Variants in GRIA1 observed in about 807,000 individuals in gnomAD.
The protein encoded by GRIA1 is glutamate receptor 1.
Under a neutral mutation model 99.2 loss-of-function variants are expected in GRIA1, and 31 were observed. The ratio of observed to expected loss-of-function variants is 0.31; its 90% confidence interval spans 0.23 to 0.42. The LOEUF is 0.42. Among genes scored for constraint, GRIA1 ranks in the 10% least tolerant of loss-of-function variants. The pLI is 1.00. For missense variants in GRIA1, 782 were observed against 1,157.5 expected (o/e 0.68, Z 4.71); for synonymous variants, 438 against 432.4 (o/e 1.01, Z -0.16).
intron 2 of GRIA1, among the ~76,000 whole-genome samples, chr5:153,577,130 GTGGATGGATGGATGGATGGATGGT>G (rs1208710396): frequency 1.7e-4 from 17 of 98,638 alleles, no homozygotes; most frequent in African/African-American, 2.5e-4. Context: ...AGATGAATGG[GTGGATGGATGGATGGATGGATGGT>G]TGGATGGATG....
In GRIA1 at chr5:153,705,693, T is replaced by TTTTC. The variant is rs1554116390; in HGVS notation, c.1453-4_1453-3insTTTC. Reference sequence around the variant, plus strand: ...TTTTTTTTTTTTTTTTTTTTTTTTTTCAGAGAGCAGATGTGGCTGTGGCTC... The same window carrying TTTTC: ...TTTTTTTTTTTTTTTTTTTTTTTTTTTTTCCAGAGAGCAGATGTGGCTGTGGCTC... On this transcript the variant is annotated splice_polypyrimidine_tract_variant and splice_region_variant and intron_variant, in intron 10 of 15. Coordinates refer to ENST00000285900, the MANE Select transcript of GRIA1 (RefSeq NM_000827.4). The TTTTC allele has an allele frequency of 1.1e-4, 119 of 1,101,418 alleles. 3 individuals carry two copies. In the Admixed American group the frequency reaches 1.5e-3, roughly 14 times the overall value. The allele number at this position is 1,101,418 out of a possible 1,614,324, so 68.2% of individuals were successfully genotyped here. A position where few individuals can be genotyped will look rare whatever the true frequency, so the allele number is the denominator to read the frequency against.
intron 2 of GRIA1, 72 bp downstream of exon 2, chr5:153,494,137 GGTGGTGTTGC>G: frequency 6.6e-7 from 1 of 1,515,538 alleles, no homozygotes; most frequent in African/African-American, 1.4e-5. Context: ...GTGGGTAGGT[GGTGGTGTTGC>G]AAAAATGACT....
At chr5:153,767,060 T>C (rs1021041094) in intron 12 of GRIA1, among the ~76,000 whole-genome samples, 9 of 152,160 alleles carry the variant, frequency 5.9e-5, no homozygotes, top group Admixed American at 1.3e-4. Flanking sequence ...GATTCTTTGA[T>C]TGATATCAGT....
chr5:153,577,835 A>C (rs1272596057), intron 2 of GRIA1, among the ~76,000 whole-genome samples: 3 of 152,106 alleles, frequency 2.0e-5, no homozygotes, highest in Non-Finnish European at 4.4e-5. Flanking sequence ...AAATAAATCA[A>C]CTGAATAAGC....
intron 1 of GRIA1, 116 bp downstream of exon 1, chr5:153,491,086 C>CTG: frequency 8.8e-7 from 1 of 1,130,046 alleles, no homozygotes; most frequent in South Asian, 1.3e-5. Flanking sequence ...CTCCCTAAAG[C>CTG]TGTGCTGCGG....
intron 2 of GRIA1, among the ~76,000 whole-genome samples, chr5:153,576,955 TGGATGGATGG>T (rs2149369400): frequency 6.9e-6 from 1 of 144,936 alleles, no homozygotes; most frequent in East Asian, 3.1e-4. Context: ...GATGGATGGA[TGGATGGATGG>T]ATGGATGGAT....
chr5:153,695,775 A>G (rs909557259), intron 8 of GRIA1, among the ~76,000 whole-genome samples: 8 of 152,156 alleles, frequency 5.3e-5, no homozygotes, highest in Non-Finnish European at 1.2e-4. Flanking sequence ...CACTGAGGGT[A>G]AGCCTCCATG....
In GRIA1 at chr5:153,576,986, G is replaced by GGA. The variant is rs1762597937; in HGVS notation, c.221-69942_221-69941insGA. Among the ~76,000 whole-genome samples the GGA allele has an allele frequency of 3.6e-5, 4 of 109,920 alleles. 1 individual carries two copies. The Admixed American group carries it at 4.1e-4, about 11-fold the overall frequency. The allele number at this position is 109,920 out of a possible 152,430, so 72.1% of individuals were successfully genotyped here. On this transcript the variant is annotated intron_variant, in intron 2 of 15. Coordinates refer to ENST00000285900, the MANE Select transcript of GRIA1 (RefSeq NM_000827.4). Reference sequence around the variant, plus strand: ...GATGGATGGATGGATGGATGGATGGGTGAGTGGATGAATGGATGGATGGAT... The same window carrying GGA: ...GATGGATGGATGGATGGATGGATGGGGATGAGTGGATGAATGGATGGATGGAT...
Position 153,525,353 on chromosome 5 carries a change from C to T in GRIA1, c.220+31288C>T, listed in dbSNP as rs138030423. ...CCATCCTGTAATGCACAGAACAAAC[C>T]CCTACAACAAATAATTATCTGGGCT... On this transcript the variant is annotated intron_variant, in intron 2 of 15. Coordinates refer to ENST00000285900, the MANE Select transcript of GRIA1 (RefSeq NM_000827.4). 3 of 152,160 alleles carry T rather than the reference C, an allele frequency of 2.0e-5. No individual in the cohort carries two copies. In the East Asian group the frequency reaches 5.8e-4, roughly 29 times the overall value. 9.4% of individuals were successfully genotyped at this position (152,160 alleles called of 1,614,324 possible). A position where few individuals can be genotyped will look rare whatever the true frequency, so the allele number is the denominator to read the frequency against.
intron 2 of GRIA1, among the ~76,000 whole-genome samples, chr5:153,642,309 AC>A (rs1225249382): frequency 6.6e-6 from 1 of 152,154 alleles, no homozygotes; most frequent in Non-Finnish European, 1.5e-5. Context: ...CTGTTTCTAG[AC>A]CTCACTTCTC....
intron 11 of GRIA1, among the ~76,000 whole-genome samples, chr5:153,724,544 G>A (rs1581541961): frequency 6.6e-6 from 1 of 152,230 alleles, no homozygotes; most frequent in Non-Finnish European, 1.5e-5. Flanking sequence ...ATACAGAGAA[G>A]TGCTCAAAGG....
chr5:153,676,244 T>G (rs1756576819), intron 6 of GRIA1, among the ~76,000 whole-genome samples: 1 of 152,360 alleles, frequency 6.6e-6, no homozygotes, highest in African/African-American at 2.4e-5. Context: ...AATTCTCTAT[T>G]GTGAACTTGG....
At chr5:153,784,732 C>T (rs1238473284) in intron 13 of GRIA1, among the ~76,000 whole-genome samples, 1 of 152,174 alleles carries the variant, frequency 6.6e-6, no homozygotes, top group African/African-American at 2.4e-5. Flanking sequence ...CAGCGGAGTC[C>T]TATGGGGTCT....
At chr5:153,769,260 A>C (rs1763721325) in intron 12 of GRIA1, among the ~76,000 whole-genome samples, 1 of 152,214 alleles carries the variant, frequency 6.6e-6, no homozygotes, top group South Asian at 2.1e-4. Context: ...ATTCCTAAAA[A>C]AGATGTATTC....
intron 15 of GRIA1, among the ~76,000 whole-genome samples, chr5:153,804,733 AT>A (rs1473603767): frequency 0.055 from 979 of 17,724 alleles, 7 homozygotes; most frequent in East Asian, 0.28. Flanking sequence ...TAATTAATTA[AT>A]TTATTTATTT....
intron 2 of GRIA1, among the ~76,000 whole-genome samples, chr5:153,609,576 T>G (rs1765787170): frequency 7.0e-6 from 1 of 143,652 alleles, no homozygotes; most frequent in East Asian, 2.0e-4. Context: ...TTTTTTTTTT[T>G]TTTTTGAGAT....
chr5:153,554,791 G>T (rs12521769), intron 2 of GRIA1, among the ~76,000 whole-genome samples: 9,690 of 152,264 alleles, frequency 0.064, 391 homozygotes, highest in South Asian at 0.15. Flanking sequence ...ACTGCACCTG[G>T]CCAGGAAGTG....
chr5:153,556,469 CA>C (rs1760657158), intron 2 of GRIA1, among the ~76,000 whole-genome samples: 1 of 152,076 alleles, frequency 6.6e-6, no homozygotes, highest in Non-Finnish European at 1.5e-5. Context: ...GGAGTTTTTC[CA>C]AGGCAGTAAG....
At chr5:153,722,811 A>ACAC (rs1760176967) in intron 11 of GRIA1, among the ~76,000 whole-genome samples, 1 of 152,176 alleles carries the variant, frequency 6.6e-6, no homozygotes, top group Non-Finnish European at 1.5e-5. Context: ...CCTACGAGAA[A>ACAC]ATGTCTGCAG....
Sources: allele counts gnomAD v4.1 joint callset (sites outside exome capture counted in the v4.1 genomes callset), GRCh38; gene constraint gnomAD v4.1.1; transcripts MANE v1.5; gene names NCBI Gene and HGNC (gene_info 2026-07-23, HGNC 2026-07-21).